RUNX2: variants seen among roughly 807,000 people sequenced by gnomAD.
RUNX2 encodes the protein RUNX family transcription factor 2, also known as runt-related transcription factor 2.
In RUNX2, 10 loss-of-function variants were observed where a neutral mutation model predicts 51.7. The observed-to-expected ratio is 0.19, with a 90% confidence interval of 0.12 to 0.33. The LOEUF is 0.33. Ranked by LOEUF, RUNX2 falls within the 10% of genes least tolerant of loss-of-function variation. The pLI is 1.00. For missense variants in RUNX2, 562 were observed against 691.3 expected, an observed-to-expected ratio of 0.81 and a Z score of 2.10; for synonymous variants, 276 against 273.6, an observed-to-expected ratio of 1.01 and a Z score of -0.09.
At chr6:45,425,790 GTGGTGACAGCAATT>G (rs1163407306) in intron 3 of RUNX2, among the ~76,000 whole-genome samples, 2 of 152,098 alleles carry the variant, frequency 1.3e-5, no homozygotes, top group Non-Finnish European at 2.9e-5. Flanking sequence ...CCTTTTAAAA[GTGGTGACAGCAATT>G]TGGCCATGAT....
intron 2 of RUNX2, among the ~76,000 whole-genome samples, chr6:45,372,838 G>A (rs1461425792): frequency 6.6e-6 from 1 of 151,736 alleles, no homozygotes; most frequent in Non-Finnish European, 1.5e-5. Flanking sequence ...TTTTTTTTGA[G>A]ATGGAGTTTT....
intron 7 of RUNX2, among the ~76,000 whole-genome samples, chr6:45,535,155 C>T (rs946533552): frequency 6.6e-5 from 10 of 151,928 alleles, no homozygotes; most frequent in African/African-American, 2.4e-4. Flanking sequence ...AGGCTTAATA[C>T]CTGGACGATG....
intron 2 of RUNX2, among the ~76,000 whole-genome samples, chr6:45,414,269 G>T (rs1234231374): frequency 6.6e-6 from 1 of 152,080 alleles, no homozygotes; most frequent in African/African-American, 2.4e-5. Flanking sequence ...TGGGAATCAT[G>T]GTACCAAGGC....
intron 2 of RUNX2, among the ~76,000 whole-genome samples, chr6:45,370,916 TA>T (rs542828887): frequency 4.2e-4 from 63 of 151,032 alleles, no homozygotes; most frequent in African/African-American, 1.3e-3. Flanking sequence ...AAATTGAGTT[TA>T]AAAAAAAAAT....
intron 2 of RUNX2, among the ~76,000 whole-genome samples, chr6:45,419,648 G>T (rs2150360319): frequency 6.6e-6 from 1 of 152,300 alleles, no homozygotes; most frequent in Admixed American, 6.5e-5. Flanking sequence ...ACCTGTGCAC[G>T]CAGGGGACGC....
chr6:45,468,939 G>C (rs964881307), intron 5 of RUNX2, among the ~76,000 whole-genome samples: 4 of 152,208 alleles, frequency 2.6e-5, no homozygotes, highest in African/African-American at 7.2e-5. Context: ...TGCTCTCACT[G>C]TTGGTGAACA....
chr6:45,543,412 A>G (rs1386055473), intron 7 of RUNX2, among the ~76,000 whole-genome samples: 2 of 152,204 alleles, frequency 1.3e-5, no homozygotes, highest in African/African-American at 2.4e-5. Flanking sequence ...GTTCCTTGCT[A>G]TTTTAAAAAG....
intron 2 of RUNX2, among the ~76,000 whole-genome samples, chr6:45,351,846 TGA>T: frequency 6.6e-6 from 1 of 152,174 alleles, no homozygotes; most frequent in East Asian, 1.9e-4. Context: ...GCCCAGCTGC[TGA>T]GCACTTTGAA....
chr6:45,450,579 C>T (rs1350221431), intron 5 of RUNX2, among the ~76,000 whole-genome samples: 1 of 152,100 alleles, frequency 6.6e-6, no homozygotes, highest in Non-Finnish European at 1.5e-5. Flanking sequence ...GAACTGATGT[C>T]ATAGTAAAGA....
intron 5 of RUNX2, among the ~76,000 whole-genome samples, chr6:45,460,932 T>A (rs952363886): frequency 5.3e-5 from 8 of 152,218 alleles, no homozygotes; most frequent in African/African-American, 1.9e-4. Flanking sequence ...AACATAAATG[T>A]AAAAGTCATA....
chr6:45,480,131 A>C (rs1412859757), intron 5 of RUNX2, among the ~76,000 whole-genome samples: 2 of 152,238 alleles, frequency 1.3e-5, no homozygotes, highest in East Asian at 3.8e-4. Context: ...TAAAGCAATT[A>C]TCTGTCTATC....
intron 7 of RUNX2, among the ~76,000 whole-genome samples, chr6:45,521,835 CTCTCT>C (rs1159345994): frequency 2.0e-5 from 3 of 152,158 alleles, no homozygotes; most frequent in Non-Finnish European, 4.4e-5. Flanking sequence ...CAAACTATTC[CTCTCT>C]TCTCAGGCTC....
chr6:45,479,592 A>G (rs1352410841), intron 5 of RUNX2, among the ~76,000 whole-genome samples: 1 of 152,208 alleles, frequency 6.6e-6, no homozygotes, highest in Admixed American at 6.5e-5. Flanking sequence ...AACCACATAT[A>G]TGTACGTATA....
chr6:45,543,531 G>A (rs1802297197), intron 7 of RUNX2, among the ~76,000 whole-genome samples: 1 of 152,186 alleles, frequency 6.6e-6, no homozygotes, highest in Admixed American at 6.5e-5. Flanking sequence ...GGGAGTGGCT[G>A]AGCTTTGGTT....
At chr6:45,500,173 C>T (rs1357553413) in intron 6 of RUNX2, among the ~76,000 whole-genome samples, 1 of 152,144 alleles carries the variant, frequency 6.6e-6, no homozygotes, top group African/African-American at 2.4e-5. Flanking sequence ...ATATGCTTCA[C>T]ATATCCATTA....
chr6:45,339,904 A>T (rs953204987), intron 2 of RUNX2, among the ~76,000 whole-genome samples: 1 of 152,178 alleles, frequency 6.6e-6, no homozygotes, highest in African/African-American at 2.4e-5. Flanking sequence ...TACTATGCTA[A>T]GCCATTTATA....
intron 5 of RUNX2, among the ~76,000 whole-genome samples, chr6:45,467,728 G>A (rs1365992488): frequency 6.6e-6 from 1 of 151,930 alleles, no homozygotes; most frequent in Non-Finnish European, 1.5e-5. Flanking sequence ...ACTATCATGT[G>A]AGCAGTCACC....
Position 45,474,192 on chromosome 6 carries a change from G to A in RUNX2, c.686-17749G>A, listed in dbSNP as rs76591181. On this transcript the variant is annotated intron_variant, in intron 5 of 8. Coordinates refer to ENST00000647337, the MANE Select transcript of RUNX2 (RefSeq NM_001024630.4). ...TTTTTCCCTTTGCCCAGCATCAGGG[G>A]CTATAAAACTTTCTCTGAACTAATT... 0.013 allele frequency among the ~76,000 whole-genome samples: 2,008 copies of A among 151,696 alleles called. 102 individuals carry two copies. The East Asian group carries it at 0.17, about 13-fold the overall frequency.
At chr6:45,432,873 A>T (rs1798582168) in intron 4 of RUNX2, among the ~76,000 whole-genome samples, 1 of 152,174 alleles carries the variant, frequency 6.6e-6, no homozygotes, top group South Asian at 2.1e-4. Flanking sequence ...TAATATTTCC[A>T]TTTTAAGTAT....
Sources: allele counts gnomAD v4.1 joint callset (sites outside exome capture counted in the v4.1 genomes callset), GRCh38; gene constraint gnomAD v4.1.1; transcripts MANE v1.5; gene names NCBI Gene and HGNC (gene_info 2026-07-23, HGNC 2026-07-21).